The following TUBB8 variants were observed in gnomAD, a reference collection of about 807,000 sequenced individuals.
TUBB8 encodes tubulin beta 8 class VIII.
TUBB8 carries 25 observed loss-of-function variants against 33.7 expected under a neutral mutation model. The ratio of observed to expected loss-of-function variants is 0.74; its 90% CI spans 0.54 to 1.04. TUBB8 has a LOEUF of 1.04. TUBB8 is among the 50% of genes least tolerant of loss of function. TUBB8 has a pLI of 0.00. For missense variants in TUBB8, 279 were observed against 608.0 expected (o/e 0.46, Z 5.69); for synonymous variants, 245 against 240.1 (o/e 1.02, Z -0.19).
Position 49,032 on chromosome 10 carries a change from A to T in TUBB8, c.58-120T>A, listed in dbSNP as rs371961820. 2.8e-5 allele frequency: 30 copies of T among 1,082,352 alleles called. 1 individual carries two copies. Among genetic ancestry groups the T allele is most frequent in the East Asian group, 2.3e-4 (6 of 26,412 alleles). 67.0% of individuals were successfully genotyped at this position (1,082,352 alleles called of 1,614,324 possible). On this transcript the variant is annotated intron_variant, in intron 1 of 3. Transcript: ENST00000568584. The stretch of plus-strand genomic sequence containing the variant: ...CTAGGCCGCCCTGTCCCTGGGGTCC[A>T]CCCCGGCCGCCTCGCCAGCCACCCG...
Position 49,171 on chromosome 10 carries a change from C to G in TUBB8, c.57+11G>C, listed in dbSNP as rs782048968. The G allele has an allele frequency of 1.9e-6, 3 of 1,566,386 alleles. No individual in the cohort carries two copies. The highest frequency in any genetic ancestry group is 2.4e-5 in the East Asian group (1 of 41,970). ...GGCCCGGGCTAGGCCCTCAGAGCCCCGGCTGCCAACCTTGGCGCCGATCTG... is the reference window on the plus strand; with the variant it reads ...GGCCCGGGCTAGGCCCTCAGAGCCCGGGCTGCCAACCTTGGCGCCGATCTG... On this transcript the variant is annotated intron_variant, in intron 1 of 3. Transcript: ENST00000568584.
upstream of TUBB8, among the ~76,000 whole-genome samples, chr10:52,745 C>A (rs529531820): frequency 6.6e-6 from 1 of 152,346 alleles, no homozygotes; most frequent in Admixed American, 6.5e-5. Flanking sequence ...AAATATTCTG[C>A]AATTGTAATC....
upstream of TUBB8, among the ~76,000 whole-genome samples, chr10:75,911 G>T (rs1554743150): frequency 6.6e-6 from 1 of 151,876 alleles, no homozygotes; most frequent in African/African-American, 2.4e-5. Context: ...GGCTAAGGCG[G>T]GTGGATTTCC....
intron 1 of TUBB8, among the ~76,000 whole-genome samples, chr10:72,347 T>C (rs1834748541): frequency 1.3e-5 from 2 of 150,254 alleles, no homozygotes; most frequent in South Asian, 4.2e-4. Flanking sequence ...TCACTTGAGG[T>C]CAGGAGTTCG....
intron 1 of TUBB8, among the ~76,000 whole-genome samples, chr10:71,839 G>A (rs1834740147): frequency 6.6e-6 from 1 of 152,048 alleles, no homozygotes. Flanking sequence ...GAGCCCAGGA[G>A]GTCAAGGCTG....
At chr10:70,270 GTTTT>G (rs1834719735) in intron 1 of TUBB8, among the ~76,000 whole-genome samples, 1 of 61,848 alleles carries the variant, frequency 1.6e-5, no homozygotes, top group Non-Finnish European at 4.4e-5. Flanking sequence ...GTTTTGTTTT[GTTTT>G]TGTTTTTTTA....
At chr10:56,370 G>T (rs1203701252) in intron 1 of TUBB8, among the ~76,000 whole-genome samples, 1 of 152,050 alleles carries the variant, frequency 6.6e-6, no homozygotes, top group Admixed American at 6.5e-5. Flanking sequence ...ATAGTTTTTT[G>T]ATGGATATAT....
chr10:56,002 T>C (rs1319844623), intron 1 of TUBB8, among the ~76,000 whole-genome samples: 1 of 152,256 alleles, frequency 6.6e-6, no homozygotes, highest in Non-Finnish European at 1.5e-5. Context: ...TTCAGATTTT[T>C]TTTCTATTTC....
At chr10:73,860 T>C (rs1265148746) in intron 1 of TUBB8, 4 of 151,980 alleles carry the variant, frequency 2.6e-5, no homozygotes, top group Non-Finnish European at 3.0e-5. Flanking sequence ...CAAGCCACCA[T>C]GAAGGGACGC....
In TUBB8 at chr10:49,296, C is replaced by A; in HGVS notation, c.-58G>T. 1 of 1,524,624 alleles carries A rather than the reference C, an allele frequency of 6.6e-7. No homozygotes were observed. Among genetic ancestry groups the A allele is most frequent in the Non-Finnish European group, 8.9e-7 (1 of 1,125,358 alleles). 94.4% of individuals were successfully genotyped at this position (1,524,624 alleles called of 1,614,324 possible). On this transcript the variant is annotated 5_prime_UTR_variant, in exon 1 of 4. Coordinates refer to ENST00000568584, the MANE Select transcript of TUBB8 (RefSeq NM_177987.3). ...GTGAGAAGGAGGAGCAGACGCGCAG[C>A]GACCCAGCCCGCCCTCCGCCAACGT...
chr10:60,768 T>C (rs1301481922), intron 1 of TUBB8, among the ~76,000 whole-genome samples: 1 of 152,034 alleles, frequency 6.6e-6, no homozygotes, highest in Non-Finnish European at 1.5e-5. Flanking sequence ...TGTAAAGACA[T>C]ATGCACACGT....
upstream of TUBB8, among the ~76,000 whole-genome samples, chr10:53,338 G>T (rs1834491791): frequency 6.6e-6 from 1 of 152,122 alleles, no homozygotes; most frequent in Non-Finnish European, 1.5e-5. Context: ...CTGTTGGCCG[G>T]GCTGGTCTCA....
chr10:73,747 G>A (rs1483191795), intron 1 of TUBB8, among the ~76,000 whole-genome samples: 1 of 151,792 alleles, frequency 6.6e-6, no homozygotes, highest in African/African-American at 2.4e-5. Flanking sequence ...CAGCCCGACG[G>A]CGTCTCCGCT....
chr10:75,338 G>A (rs1265774719), upstream of TUBB8, among the ~76,000 whole-genome samples: 1 of 151,178 alleles, frequency 6.6e-6, no homozygotes, highest in Non-Finnish European at 1.5e-5. Flanking sequence ...GACAGAGCAA[G>A]ACCTTCTCTC....
intron 1 of TUBB8, among the ~76,000 whole-genome samples, chr10:59,633 T>C (rs1834573475): frequency 6.6e-6 from 1 of 152,250 alleles, no homozygotes; most frequent in Non-Finnish European, 1.5e-5. Context: ...TTTGCAAATT[T>C]TTGCATCAAT....
chr10:66,594 A>G (rs1834673747), intron 1 of TUBB8, among the ~76,000 whole-genome samples: 2 of 152,254 alleles, frequency 1.3e-5, no homozygotes, highest in Non-Finnish European at 2.9e-5. Context: ...GGCTGCAATA[A>G]GCCACGTTCA....
chr10:75,185 ATTT>A (rs111910470), upstream of TUBB8, among the ~76,000 whole-genome samples: 4 of 147,818 alleles, frequency 2.7e-5, no homozygotes, highest in Non-Finnish European at 4.5e-5. Context: ...GCCCAGCCAA[ATTT>A]TTTTTTTTAA....
rs192667066 is a variant in TUBB8 at position 56,165 on chromosome 10, T to C, written c.-845-5932A>G. Among the ~76,000 whole-genome samples, 22 of 152,370 alleles carry C rather than the reference T, an allele frequency of 1.4e-4. No homozygotes were observed. In the East Asian group the frequency reaches 3.9e-3, roughly 27 times the overall value. Reference sequence around the variant, plus strand: ...TTGTCTTCTCTTTCTTTTATCAGTGTTTTACGTTTTTAATTGTTGAAAACT... The same window carrying C: ...TTGTCTTCTCTTTCTTTTATCAGTGCTTTACGTTTTTAATTGTTGAAAACT... On this transcript the variant is annotated intron_variant, in intron 1 of 3. Coordinates refer to the TUBB8 transcript ENST00000564130.
upstream of TUBB8, among the ~76,000 whole-genome samples, chr10:74,453 C>A (rs1554742832): frequency 6.7e-6 from 1 of 149,624 alleles, no homozygotes; most frequent in Non-Finnish European, 1.5e-5. Context: ...ATGGTAAAAT[C>A]CCATCTCTAC....
Sources: allele counts gnomAD v4.1 joint callset (sites outside exome capture counted in the v4.1 genomes callset), GRCh38; gene constraint gnomAD v4.1.1; transcripts MANE v1.5; gene names NCBI Gene and HGNC (gene_info 2026-07-23, HGNC 2026-07-21).